The following DHX8 variants were observed in gnomAD, a reference collection of about 807,000 sequenced individuals.
The protein encoded by DHX8 is DEAH-box helicase 8.
In DHX8, 67 loss-of-function variants were observed where a neutral mutation model predicts 140.7. The observed-to-expected ratio is 0.48, with a 90% CI of 0.39 to 0.58. The LOEUF (loss-of-function observed/expected upper bound fraction) is 0.58, where lower values mean the gene tolerates loss of function less well. DHX8 is among the 20% of genes least tolerant of loss of function. The probability of loss-of-function intolerance (pLI) is 0.00; values close to 1 mark genes in which losing one functional copy is unlikely to be tolerated. For synonymous variants in DHX8, 533 were observed against 553.2 expected (o/e 0.96, Z 0.51); for missense variants, 887 against 1,550.7 (o/e 0.57, Z 7.19).
chr17:43,531,011 C>T (rs1161647247), downstream of DHX8, among the ~76,000 whole-genome samples: 1 of 152,180 alleles, frequency 6.6e-6, no homozygotes, highest in Non-Finnish European at 1.5e-5. Context: ...CGGTCTACAG[C>T]CTTTGAAGGT....
chr17:43,500,142 A>T, intron 11 of DHX8, 39 bp downstream of exon 11: 1 of 1,599,518 alleles, frequency 6.3e-7, no homozygotes, highest in Non-Finnish European at 8.5e-7. Flanking sequence ...TTGTTTAAAA[A>T]TCTGAGCCTT....
intron 16 of DHX8, among the ~76,000 whole-genome samples, chr17:43,509,857 T>G (rs1308263450): frequency 6.6e-6 from 1 of 151,802 alleles, no homozygotes; most frequent in Admixed American, 6.6e-5. Context: ...TTAGTAGAGA[T>G]GGGGTTTCCC....
intron 3 of DHX8, among the ~76,000 whole-genome samples, chr17:43,537,090 G>C (rs962281559): frequency 1.3e-5 from 2 of 152,216 alleles, no homozygotes. Context: ...AGGCGGCCAG[G>C]CATGGTGGCT....
chr17:43,528,548 A>G (rs1045769531), downstream of DHX8: 2 of 1,612,434 alleles, frequency 1.2e-6, no homozygotes, highest in Non-Finnish European at 1.7e-6. Flanking sequence ...TTGGGGCCAA[A>G]TGGCTGGGCG....
At position 43,489,959 on chromosome 17, in the gene DHX8, A is replaced by T. The variant is rs142648458; in HGVS notation, c.234+425A>T. 3.3e-5 allele frequency among the ~76,000 whole-genome samples: 5 copies of T among 152,190 alleles called. No individual in the cohort carries two copies. In the East Asian group the frequency reaches 9.6e-4, roughly 29 times the overall value. On this transcript the variant is annotated intron_variant, in intron 2 of 22. Transcript: ENST00000262415. ...GGAAGGAGACAATTTTATACATATC[A>T]ATTAAATAAGCCATTAAGTGTGTAA... is the stretch of plus-strand genomic sequence containing the variant.
chr17:43,504,294 G>A (rs1263029564), intron 11 of DHX8, among the ~76,000 whole-genome samples: 2 of 151,888 alleles, frequency 1.3e-5, no homozygotes, highest in Admixed American at 1.3e-4. Flanking sequence ...GAAGGTCGGG[G>A]CTGCAGTGAG....
chr17:43,542,925 C>T (rs538168657), intron 3 of DHX8, among the ~76,000 whole-genome samples: 1 of 152,314 alleles, frequency 6.6e-6, no homozygotes, highest in Admixed American at 6.5e-5. Flanking sequence ...AAGCTAGTCC[C>T]TCCCTGCCAC....
rs1432228539 is a variant in DHX8, at chr17:43,523,840, G to A, written c.3656G>A (p.Arg1219Gln). ...NAWRISRAFR[R>Q]R is the part of the protein sequence containing the mutation. ...TGGAGAATATCTCGAGCTTTCCGACGGCGCTGAAAGGCAAGATTGTTCCTT... is the reference window on the plus strand; with the variant it reads ...TGGAGAATATCTCGAGCTTTCCGACAGCGCTGAAAGGCAAGATTGTTCCTT... The change falls in exon 23 of 23, where the codon CGG becomes CAG. Residue 1219 changes from arginine to glutamine, a missense_variant. Transcript: ENST00000262415. 3.1e-6 allele frequency: 5 copies of A among 1,613,984 alleles called. No individual in the cohort carries two copies. The highest frequency in any genetic ancestry group is 1.7e-5 in the Admixed American group (1 of 60,002).
At chr17:43,533,932 TG>T in intron 2 of DHX8, 1 of 1,561,830 alleles carries the variant, frequency 6.4e-7, no homozygotes, top group East Asian at 2.4e-5. Context: ...GCCGGGTCTG[TG>T]CGGGGACTCT....
downstream of DHX8, chr17:43,528,413 C>T: frequency 2.6e-6 from 2 of 771,818 alleles, no homozygotes; most frequent in East Asian, 2.7e-5. Context: ...GGGGATCTGC[C>T]CCAGAGACAT....
At chr17:43,540,789 G>A (rs1429153947) in intron 3 of DHX8, among the ~76,000 whole-genome samples, 2 of 152,130 alleles carry the variant, frequency 1.3e-5, no homozygotes, top group Non-Finnish European at 2.9e-5. Context: ...CATCCCCCAA[G>A]GTGGCAGGAA....
At chr17:43,540,909 C>T (rs1971488206) in intron 3 of DHX8, among the ~76,000 whole-genome samples, 1 of 151,970 alleles carries the variant, frequency 6.6e-6, no homozygotes. Flanking sequence ...CGCATTCCGG[C>T]CCCACCCCTG....
chr17:43,540,103 A>G (rs1425874319), intron 3 of DHX8, among the ~76,000 whole-genome samples: 5 of 152,194 alleles, frequency 3.3e-5, no homozygotes, highest in Non-Finnish European at 7.3e-5. Flanking sequence ...CAAACACGGC[A>G]AAAAGACAAC....
downstream of DHX8, chr17:43,529,955 T>C (rs776798056): frequency 1.2e-6 from 2 of 1,614,024 alleles, no homozygotes; most frequent in Admixed American, 3.3e-5. Context: ...GCCATAGCCT[T>C]GTGGAGGAAA....
chr17:43,537,999 G>A (rs1458799703), intron 3 of DHX8, among the ~76,000 whole-genome samples: 2 of 152,012 alleles, frequency 1.3e-5, no homozygotes, highest in Admixed American at 6.5e-5. Context: ...GTGTGGTGGC[G>A]GGTGCCTGTA....
rs1598106442 is a variant in DHX8, at chr17:43,484,049, T to G, written c.12T>G (p.Ala4=). The change falls in exon 1 of 23, where the codon GCT becomes GCG. Residue 4 remains alanine, a synonymous_variant. Transcript: ENST00000262415. ...GGCAAGCTATAGCCATGGCTGTGGC[T>G]GTAGCCATGGCGGGAGCCTTAATCG... MAV[A]VAMAGALIGS... 6.2e-7 allele frequency: 1 copy of G among 1,614,010 alleles called. No homozygotes were observed. Among genetic ancestry groups the G allele is most frequent in the East Asian group, 2.2e-5 (1 of 44,876 alleles).
At chr17:43,518,300 A>G (rs1011228663) in intron 18 of DHX8, 1 of 152,226 alleles carries the variant, frequency 6.6e-6, no homozygotes, top group African/African-American at 2.4e-5. Context: ...AGGTCCTACC[A>G]CATCACACTT....
At chr17:43,544,619 C>G (rs1031540671), downstream of DHX8, among the ~76,000 whole-genome samples, 2 of 152,086 alleles carry the variant, frequency 1.3e-5, no homozygotes, top group African/African-American at 2.4e-5. Flanking sequence ...CCAACATGCA[C>G]CTTGGCCTGG....
Position 43,493,778 on chromosome 17 carries a change from T to C in DHX8, c.1104T>C (p.Asp368=). The change falls in exon 8 of 23, where the codon GAT becomes GAC. Residue 368 remains aspartate, a synonymous_variant. Transcript: ENST00000262415. ...TNEETSMRNP[D]RPTHLSLVSA... is the part of the protein sequence containing the mutation. ...AGGAGACCTCAATGCGGAATCCTGA[T>C]AGACCCACTCACTTGTCCCTTGTCA... The C allele has an allele frequency of 6.2e-7, 1 of 1,614,232 alleles. No homozygotes were observed. Among genetic ancestry groups the C allele is most frequent in the Non-Finnish European group, 8.5e-7 (1 of 1,180,050 alleles).
Sources: gnomAD v4.1 joint callset for allele counts (sites outside exome capture counted in the v4.1 genomes callset) on GRCh38, gnomAD v4.1.1 for gene constraint, MANE v1.5 for transcripts, NCBI Gene and HGNC (gene_info 2026-07-23, HGNC 2026-07-21) for gene names.